The following CSMD2 variants were observed in gnomAD, a reference collection of about 807,000 sequenced individuals.
CSMD2 encodes CUB and Sushi multiple domains 2.
In CSMD2, 130 loss-of-function variants were observed where a neutral mutation model predicts 398.5. The ratio of observed to expected loss-of-function variants is 0.33; its 90% CI spans 0.28 to 0.38. The LOEUF (loss-of-function observed/expected upper bound fraction) is 0.38, where lower values mean the gene tolerates loss of function less well. Among genes scored for constraint, CSMD2 ranks in the 10% least tolerant of loss-of-function variants. The probability of loss-of-function intolerance (pLI) is 1.00; values close to 1 mark genes in which losing one functional copy is unlikely to be tolerated. For missense variants in CSMD2, 3,829 were observed against 4,764.9 expected (o/e 0.80, Z 5.78); for synonymous variants, 1,828 against 1,908.5 (o/e 0.96, Z 1.10).
At chr1:33,784,048 A>G (rs1168823115) in intron 12 of CSMD2, among the ~76,000 whole-genome samples, 1 of 152,154 alleles carries the variant, frequency 6.6e-6, no homozygotes, top group Admixed American at 6.5e-5. Flanking sequence ...GGTTTGAGAC[A>G]GCTGAGAGGG....
intron 6 of CSMD2, among the ~76,000 whole-genome samples, chr1:33,844,785 T>C (rs2125073505): frequency 6.6e-6 from 1 of 152,298 alleles, no homozygotes; most frequent in South Asian, 2.1e-4. Flanking sequence ...GCCAAGCGCT[T>C]AAAATCTAGC....
intron 5 of CSMD2, chr1:33,863,919 C>T (rs1639746677): frequency 2.7e-6 from 1 of 370,236 alleles, no homozygotes; most frequent in South Asian, 4.9e-5. Context: ...GAGAGGCAAA[C>T]ATTGACCCTC....
Position 33,515,190 on chromosome 1 carries a change from G to A in CSMD2, c.*1434C>T, listed in dbSNP as rs1201681906. 1 of 152,242 alleles carries A rather than the reference G, an allele frequency of 6.6e-6. No individual in the cohort carries two copies. The highest frequency in any genetic ancestry group is 1.5e-5 in the Non-Finnish European group (1 of 68,058). The allele number at this position is 152,242 out of a possible 1,614,324, so 9.4% of individuals were successfully genotyped here. ...AATCAAACCCACTCGCAAGGAGCTG[G>A]AGAGGTGTGACTTTCAGCCACTCTG... On this transcript the variant is annotated 3_prime_UTR_variant, in exon 71 of 71. Coordinates refer to ENST00000373381, the MANE Select transcript of CSMD2 (RefSeq NM_001281956.2).
intron 29 of CSMD2, among the ~76,000 whole-genome samples, chr1:33,638,604 C>T (rs1305214176): frequency 6.6e-6 from 1 of 152,182 alleles, no homozygotes; most frequent in African/African-American, 2.4e-5. Context: ...GGGGTAAAAC[C>T]AAAATCCTTA....
intron 51 of CSMD2, among the ~76,000 whole-genome samples, chr1:33,570,191 G>T: frequency 8.6e-6 from 1 of 115,682 alleles, no homozygotes; most frequent in Non-Finnish European, 2.1e-5. Context: ...TTTTTGAGAC[G>T]GAGTCTTGCA....
At chr1:33,895,504 G>A (rs1237397571) in intron 5 of CSMD2, among the ~76,000 whole-genome samples, 1 of 152,150 alleles carries the variant, frequency 6.6e-6, no homozygotes, top group East Asian at 1.9e-4. Context: ...TTGGGAGGCT[G>A]GACCTTATAT....
intron 12 of CSMD2, among the ~76,000 whole-genome samples, chr1:33,784,080 C>T (rs1030494192): frequency 6.6e-6 from 1 of 152,028 alleles, no homozygotes; most frequent in Admixed American, 6.6e-5. Flanking sequence ...AAATGTGTAA[C>T]AGGAAGACTG....
intron 2 of CSMD2, among the ~76,000 whole-genome samples, chr1:34,062,523 T>A (rs1000955050): frequency 6.6e-6 from 1 of 151,894 alleles, no homozygotes; most frequent in East Asian, 1.9e-4. Context: ...AGGAAGGACA[T>A]GGAGGACAGG....
chr1:33,856,880 C>T (rs925227912), intron 5 of CSMD2, among the ~76,000 whole-genome samples: 1 of 151,824 alleles, frequency 6.6e-6, no homozygotes, highest in African/African-American at 2.4e-5. Context: ...CCCTTCTTTC[C>T]CCAGTTTATA....
At chr1:34,105,337 C>T (rs934439636) in intron 1 of CSMD2, among the ~76,000 whole-genome samples, 7 of 74,932 alleles carry the variant, frequency 9.3e-5, no homozygotes, top group African/African-American at 2.2e-4. Context: ...AATGTGACAA[C>T]CAAAATTTCT....
chr1:33,643,798 G>C (rs914737513), intron 29 of CSMD2, among the ~76,000 whole-genome samples: 7 of 152,034 alleles, frequency 4.6e-5, no homozygotes, highest in African/African-American at 1.7e-4. Context: ...GTAAGGTAGG[G>C]GTCCCTAGGT....
chr1:33,772,693 G>A lies in CSMD2; in HGVS notation c.1722C>T (p.Gly574=). 1 of 1,614,120 alleles carries A rather than the reference G, an allele frequency of 6.2e-7. No homozygotes were observed. Residue 574 remains glycine, a synonymous_variant, in exon 13 of 71, where the codon GGC becomes GGT. Transcript: ENST00000373381. ...GTGTGTCACCGTGGTGAAACCGGGAGCCTTCCCTCCGGCCATATGCAGGTA... is the reference window on the plus strand; with the variant it reads ...GTGTGTCACCGTGGTGAAACCGGGAACCTTCCCTCCGGCCATATGCAGGTA... The part of the protein sequence containing the change: ...PGIPAYGRRE[G]SRFHHGDTLK...
At chr1:33,911,523 T>G (rs994593574) in intron 5 of CSMD2, among the ~76,000 whole-genome samples, 1 of 152,186 alleles carries the variant, frequency 6.6e-6, no homozygotes, top group Non-Finnish European at 1.5e-5. Flanking sequence ...TAGACAGTTT[T>G]TGTATCGCCA....
intron 1 of CSMD2, among the ~76,000 whole-genome samples, chr1:34,153,091 A>G (rs1381671076): frequency 6.6e-6 from 1 of 152,168 alleles, no homozygotes; most frequent in African/African-American, 2.4e-5. Flanking sequence ...ATCTCGGCTC[A>G]CTGCAGCCTC....
At chr1:34,000,083 G>A (rs1187538864) in intron 3 of CSMD2, among the ~76,000 whole-genome samples, 1 of 152,078 alleles carries the variant, frequency 6.6e-6, no homozygotes, top group Non-Finnish European at 1.5e-5. Context: ...CAAACCATTA[G>A]GCATATTTGC....
chr1:33,611,271 G>C, intron 40 of CSMD2, 21 bp from the exon 41 acceptor site: 1 of 1,602,948 alleles, frequency 6.2e-7, no homozygotes, highest in Non-Finnish European at 8.5e-7. Context: ...GACAGAGGCA[G>C]ACAGTGCCCA....
In CSMD2 at chr1:33,542,729, C is replaced by G; in HGVS notation, c.9268G>C (p.Glu3090Gln). The G allele has an allele frequency of 6.2e-7, 1 of 1,613,420 alleles. No individual in the cohort carries two copies. The highest frequency in any genetic ancestry group is 8.5e-7 in the Non-Finnish European group (1 of 1,179,728). ...VNGTWTGSDPECLVINCGDPG... is the reference protein window; with the variant it reads ...VNGTWTGSDPQCLVINCGDPG... ...GGGCCTGAGCTCTCACCGAGGCACT[C>G]AGGGTCACTGCCTGTCCAGGTACCA... Residue 3090 changes from glutamate (E) to glutamine (Q), a missense_variant, in exon 58 of 71, where the codon GAG (glutamate) becomes CAG (glutamine). Around this residue, in one of 5 missense-constraint regions of CSMD2, gnomAD observed 917 missense variants for 1,199.5 expected, o/e 0.76. Coordinates refer to ENST00000373381, the MANE Select transcript of CSMD2 (RefSeq NM_001281956.2).
At chr1:34,078,185 C>T (rs1266169149) in intron 2 of CSMD2, among the ~76,000 whole-genome samples, 2 of 151,608 alleles carry the variant, frequency 1.3e-5, no homozygotes, top group East Asian at 2.0e-4. Flanking sequence ...GTGATGCAGG[C>T]AGAGAAAAAT....
chr1:33,883,280 A>G (rs987788516), intron 5 of CSMD2, among the ~76,000 whole-genome samples: 45 of 152,170 alleles, frequency 3.0e-4, no homozygotes, highest in Admixed American at 9.2e-4. Context: ...TGGGCTTCCA[A>G]TTTTGAATCT....
Sources: allele counts gnomAD v4.1 joint callset (sites outside exome capture counted in the v4.1 genomes callset), GRCh38; gene constraint gnomAD v4.1.1; regional missense constraint gnomAD v4.1.1; transcripts MANE v1.5; gene names NCBI Gene and HGNC (gene_info 2026-07-23, HGNC 2026-07-21).